GATA5: variants seen among roughly 807,000 people sequenced by gnomAD.
The protein encoded by GATA5 is GATA binding protein 5.
Under a neutral mutation model 35.0 loss-of-function variants are expected in GATA5, and 27 were observed. That is an observed-to-expected ratio of 0.77 (90% CI 0.57 to 1.06). GATA5 has a LOEUF of 1.06. Ranked by LOEUF, GATA5 falls within the 50% of genes least tolerant of loss-of-function variation. The probability of loss-of-function intolerance (pLI) is 0.00; values close to 1 mark genes in which losing one functional copy is unlikely to be tolerated. For missense variants in GATA5, 612 were observed against 580.0 expected (o/e 1.06, Z -0.57); for synonymous variants, 306 against 267.8 (o/e 1.14, Z -1.39).
chr20:62,465,051 G>A, intron 6 of GATA5, 60 bp from the exon 7 acceptor site: 2 of 471,396 alleles, frequency 4.2e-6, no homozygotes, highest in Non-Finnish European at 8.1e-6. Flanking sequence ...GGGGCTGGGG[G>A]AAGCTGCAGC....
chr20:62,473,713 T>C, intron 2 of GATA5, 135 bp from the exon 3 acceptor site: 11 of 697,544 alleles, frequency 1.6e-5, no homozygotes. Flanking sequence ...ACAAATCTTG[T>C]GCCTTAGATG....
intron 3 of GATA5, among the ~76,000 whole-genome samples, chr20:62,472,886 G>T (rs1290394576): frequency 6.6e-6 from 1 of 152,196 alleles, no homozygotes; most frequent in East Asian, 1.9e-4. Context: ...TGGGTAGAAA[G>T]TGCTCCCCGA....
chr20:62,470,143 G>A lies in GATA5; in HGVS notation c.699+3260C>T, dbSNP rs1601517303. On this transcript the variant is annotated intron_variant, in intron 3 of 6. Coordinates refer to ENST00000252997, the MANE Select transcript of GATA5 (RefSeq NM_080473.5). The surrounding 1 kb of genome is among the most constrained non-coding windows in gnomAD (Gnocchi z 4.6). ...AGCCGCTCTAAGCACCAGGCTCTGT[G>A]TGCATCTGAGACATCCAAATAAATC... Among the ~76,000 whole-genome samples, 1 of 152,270 alleles carries A rather than the reference G, an allele frequency of 6.6e-6. No homozygotes were observed. The highest frequency in any genetic ancestry group is 6.5e-5 in the Admixed American group (1 of 15,288).
At chr20:62,475,689 G>C (rs1555897124) in intron 1 of GATA5, 147 bp from the exon 2 acceptor site, 1 of 469,694 alleles carries the variant, frequency 2.1e-6, no homozygotes. Context: ...CCCCGAACCC[G>C]AGGGAGAGGA....
chr20:62,473,271 G>A (rs975934757), intron 3 of GATA5, 132 bp downstream of exon 3: 14 of 967,264 alleles, frequency 1.4e-5, no homozygotes, highest in South Asian at 3.1e-5. Context: ...CCACCGGGGC[G>A]GGCACCCAGG....
Position 62,471,432 on chromosome 20 carries a change from A to ATTTTTTTTTTTTTTTTTTTTTTTTTTTT in GATA5, c.699+1970_699+1971insAAAAAAAAAAAAAAAAAAAAAAAAAAAA, listed in dbSNP as rs574764628. 1.3e-3 allele frequency among the ~76,000 whole-genome samples: 109 copies of ATTTTTTTTTTTTTTTTTTTTTTTTTTTT among 81,766 alleles called. 22 individuals carry two copies. The highest frequency in any genetic ancestry group is 2.2e-3 in the African/African-American group (46 of 20,456). 53.6% of individuals were successfully genotyped at this position (81,766 alleles called of 152,430 possible). On this transcript the variant is annotated intron_variant, in intron 3 of 6. Coordinates refer to ENST00000252997, the MANE Select transcript of GATA5 (RefSeq NM_080473.5). ...TAAAGAGAAGTTAATTTCAATTACA[A>ATTTTTTTTTTTTTTTTTTTTTTTTTTTT]TTTTTTTTTTTTTTTTTGTGATGAG...
rs935364745 is a variant in GATA5, at chr20:62,463,635, G to A, written c.*1201C>T. 11 of 152,222 alleles carry A rather than the reference G, an allele frequency of 7.2e-5. No individual in the cohort carries two copies. Among genetic ancestry groups the A allele is most frequent in the African/African-American group, 2.4e-4 (10 of 41,434 alleles). The allele number at this position is 152,222 out of a possible 1,614,324, so 9.4% of individuals were successfully genotyped here. ...GACCGGACCCGCTCCTGAAGCTGATGCCAGACAACTGTTTTTCAATATGGG... is the reference window on the plus strand; with the variant it reads ...GACCGGACCCGCTCCTGAAGCTGATACCAGACAACTGTTTTTCAATATGGG... On this transcript the variant is annotated 3_prime_UTR_variant, in exon 7 of 7. Coordinates refer to ENST00000252997, the MANE Select transcript of GATA5 (RefSeq NM_080473.5).
chr20:62,472,644 T>G (rs984085615), intron 3 of GATA5, among the ~76,000 whole-genome samples: 5 of 152,212 alleles, frequency 3.3e-5, no homozygotes, highest in African/African-American at 4.8e-5. Flanking sequence ...CAAATCCTTA[T>G]TTGTACAATT....
chr20:62,465,031 TGGGGCGTGGGGGGCTG>T, intron 6 of GATA5, 40 bp from the exon 7 acceptor site: 1 of 97,436 alleles, frequency 1.0e-5, no homozygotes, highest in Non-Finnish European at 1.9e-5. Context: ...GGGTGGGGCG[TGGGGCGTGGGGGGCTG>T]GGGGAAGCTG....
At chr20:62,468,772 G>T (rs562556357) in intron 3 of GATA5, among the ~76,000 whole-genome samples, 17 of 152,362 alleles carry the variant, frequency 1.1e-4, no homozygotes, top group African/African-American at 4.1e-4. Flanking sequence ...TCTCTAGGGG[G>T]ATGCTGGGGG....
Position 62,475,273 on chromosome 20 carries a change from T to TG in GATA5, c.248dup (p.Ala84SerfsTer102). Reference sequence around the variant, plus strand: ...CGGTGGCCCCGGGCGGGTGCGCGGCTGGGGGGTGCGGACTGCCCGGGCCGA... The same window carrying TG: ...CGGTGGCCCCGGGCGGGTGCGCGGCTGGGGGGGTGCGGACTGCCCGGGCCGA... On this transcript the variant is annotated frameshift_variant, in exon 2 of 7. Coordinates refer to ENST00000252997, the MANE Select transcript of GATA5 (RefSeq NM_080473.5). LOFTEE classifies it high-confidence loss of function. 8.0e-7 allele frequency: 1 copy of TG among 1,245,914 alleles called. No individual in the cohort carries two copies. The highest frequency in any genetic ancestry group is 1.0e-6 in the Non-Finnish European group (1 of 995,244). 77.2% of individuals were successfully genotyped at this position (1,245,914 alleles called of 1,614,324 possible).
At chr20:62,474,337 G>A (rs1375995073) in intron 2 of GATA5, among the ~76,000 whole-genome samples, 1 of 152,196 alleles carries the variant, frequency 6.6e-6, no homozygotes. Context: ...CAGCAGCCGG[G>A]CTGTCCAGGG....
At chr20:62,474,943 T>G (rs1989815199) in intron 2 of GATA5, 56 bp downstream of exon 2, 2 of 1,252,222 alleles carry the variant, frequency 1.6e-6, no homozygotes, top group South Asian at 5.4e-5. Flanking sequence ...GGGTGCGGGT[T>G]TGCACCCGGA....
rs1326643717 is a variant in GATA5, at chr20:62,470,065, T to C, written c.699+3338A>G. Among the ~76,000 whole-genome samples, 1 of 152,262 alleles carries C rather than the reference T, an allele frequency of 6.6e-6. No individual in the cohort carries two copies. The highest frequency in any genetic ancestry group is 1.5e-5 in the Non-Finnish European group (1 of 68,046). ...CCGGCTGCATTTCGTTTTTCTTTTT[T>C]GTCGGTTCTTTTCAAAAGAAGTCAA... On this transcript the variant is annotated intron_variant, in intron 3 of 6. Coordinates refer to ENST00000252997, the MANE Select transcript of GATA5 (RefSeq NM_080473.5). The surrounding 1 kb of genome is among the most constrained non-coding windows in gnomAD (Gnocchi z 4.6).
intron 3 of GATA5, among the ~76,000 whole-genome samples, chr20:62,469,585 G>A (rs1292767917): frequency 2.0e-5 from 3 of 152,256 alleles, no homozygotes; most frequent in Non-Finnish European, 2.9e-5. Context: ...CGCGCAGGAC[G>A]TGCGTGGGTT....
intron 3 of GATA5, among the ~76,000 whole-genome samples, chr20:62,467,589 GC>G (rs1293142558): frequency 6.6e-6 from 1 of 152,148 alleles, no homozygotes; most frequent in African/African-American, 2.4e-5. Context: ...AGGTTGCACA[GC>G]CCCTGCCTGG....
In GATA5 at chr20:62,474,994, C is replaced by T; in HGVS notation, c.523+5G>A. On this transcript the variant is annotated splice_donor_5th_base_variant and intron_variant, in intron 2 of 6. Coordinates refer to ENST00000252997, the MANE Select transcript of GATA5 (RefSeq NM_080473.5). ...GCCCCGAGACTGTGGAGCCCCCGCA[C>T]TCACCGAAGGTGGGCCTGCGGCCTG... 1 of 1,320,464 alleles carries T rather than the reference C, an allele frequency of 7.6e-7. No homozygotes were observed. Among genetic ancestry groups the T allele is most frequent in the Non-Finnish European group, 9.7e-7 (1 of 1,031,320 alleles). The allele number at this position is 1,320,464 out of a possible 1,614,324, so 81.8% of individuals were successfully genotyped here.
rs782160947 is a variant in GATA5, at chr20:62,475,327, C to T, written c.195G>A (p.Ala65=). 2 of 1,251,910 alleles carry T rather than the reference C, an allele frequency of 1.6e-6. No individual in the cohort carries two copies. Among genetic ancestry groups the T allele is most frequent in the Non-Finnish European group, 2.0e-6 (2 of 997,734 alleles). 77.6% of individuals were successfully genotyped at this position (1,251,910 alleles called of 1,614,324 possible). A position where few individuals can be genotyped will look rare whatever the true frequency, so the allele number is the denominator to read the frequency against. Residue 65 remains alanine, a synonymous_variant, in exon 2 of 7, where the codon GCG becomes GCA. Transcript: ENST00000252997. ...CCGACGAATCCGCGGTGGCTGTCTG[C>T]GCCCAGCCGGGGCGCGCAGCGAGCT... is the stretch of plus-strand genomic sequence containing the variant. The part of the protein sequence containing the change: ...PPELAARPGW[A]QTATADSSAF...
In GATA5 at chr20:62,473,551, C is replaced by T. The variant is rs1555896794; in HGVS notation, c.551G>A (p.Gly184Asp). 3 of 1,601,906 alleles carry T rather than the reference C, an allele frequency of 1.9e-6. No homozygotes were observed. Among genetic ancestry groups the T allele is most frequent in the Non-Finnish European group, 1.7e-6 (2 of 1,174,856 alleles). ...GCAGTTGACACACTCACGACCCTCA[C>T]CCGGGAACTCCTCCAAGAAGTCGGA... ...FVSDFLEEFP[G>D]EGRECVNCGA... Residue 184 changes from glycine (G) to aspartate (D), a missense_variant, in exon 3 of 7, where the codon GGT becomes GAT. Gly to Asp is a moderately conservative substitution (Grantham distance 94). Transcript: ENST00000252997.
Sources: gnomAD v4.1 joint callset for allele counts (sites outside exome capture counted in the v4.1 genomes callset) on GRCh38, gnomAD v4.1.1 for gene constraint, Gnocchi (gnomAD v3.1) non-coding constraint, MANE v1.5 for transcripts, NCBI Gene and HGNC (gene_info 2026-07-23, HGNC 2026-07-21) for gene names.